Variants in LRP1B observed in about 807,000 individuals in gnomAD.
LRP1B encodes the protein low-density lipoprotein receptor-related protein 1B.
A neutral mutation model predicts 556.6 loss-of-function variants in LRP1B; 217 were observed. That is an observed-to-expected ratio of 0.39 (90% CI 0.35 to 0.44). The LOEUF is 0.44. Among genes scored for constraint, LRP1B ranks in the 20% least tolerant of loss-of-function variants. The probability of loss-of-function intolerance (pLI) is 1.00; values close to 1 mark genes in which losing one functional copy is unlikely to be tolerated. For missense variants in LRP1B, 5,053 were observed against 5,620.8 expected (o/e 0.90, Z 3.23); for synonymous variants, 2,047 against 1,865.8 (o/e 1.10, Z -2.50).
intron 37 of LRP1B, among the ~76,000 whole-genome samples, chr2:140,709,121 G>A (rs1437461374): frequency 6.6e-6 from 1 of 151,930 alleles, no homozygotes; most frequent in East Asian, 1.9e-4. Context: ...GTTAATTTGA[G>A]TCTTTGCCAT....
chr2:142,067,851 G>A (rs1705162956), intron 1 of LRP1B, among the ~76,000 whole-genome samples: 1 of 151,524 alleles, frequency 6.6e-6, no homozygotes, highest in Non-Finnish European at 1.5e-5. Flanking sequence ...CACAGATCAA[G>A]TGAGCCATAT....
chr2:141,193,114 A>G (rs1558923677), intron 6 of LRP1B, among the ~76,000 whole-genome samples: 2 of 152,048 alleles, frequency 1.3e-5, no homozygotes, highest in Non-Finnish European at 2.9e-5. Flanking sequence ...AGAAAAGGGA[A>G]CACTTACACA....
intron 3 of LRP1B, among the ~76,000 whole-genome samples, chr2:141,353,423 C>A (rs529744469): frequency 6.6e-6 from 1 of 152,050 alleles, no homozygotes; most frequent in South Asian, 2.1e-4. Flanking sequence ...CTCTGAAATT[C>A]TGGAAGTATT....
intron 6 of LRP1B, among the ~76,000 whole-genome samples, chr2:141,195,889 C>T (rs16845590): frequency 0.081 from 12,317 of 151,858 alleles, 535 homozygotes; most frequent in East Asian, 0.16. Context: ...TTTAGGGAAG[C>T]CATCCTGAGA....
At chr2:142,021,206 G>T (rs1024465548) in intron 1 of LRP1B, among the ~76,000 whole-genome samples, 1 of 152,054 alleles carries the variant, frequency 6.6e-6, no homozygotes, top group Non-Finnish European at 1.5e-5. Context: ...TATAAATGAA[G>T]GATGCAATAT....
intron 3 of LRP1B, among the ~76,000 whole-genome samples, chr2:141,268,061 G>A (rs1205100951): frequency 6.6e-6 from 1 of 152,094 alleles, no homozygotes; most frequent in Non-Finnish European, 1.5e-5. Context: ...GACATAGGAG[G>A]CAATAACAGC....
chr2:141,108,334 CTTT>C (rs60275697), intron 7 of LRP1B, among the ~76,000 whole-genome samples: 9,491 of 89,004 alleles, frequency 0.11, 499 homozygotes, highest in South Asian at 0.22. Flanking sequence ...TAATCTGTTT[CTTT>C]TTTTTTTTTT....
chr2:141,257,581 C>G (rs1684522495), intron 3 of LRP1B, among the ~76,000 whole-genome samples: 1 of 152,122 alleles, frequency 6.6e-6, no homozygotes, highest in Non-Finnish European at 1.5e-5. Context: ...GACCAGACCT[C>G]AAACATGGTT....
At chr2:140,371,573 T>G (rs535188884) in intron 69 of LRP1B, among the ~76,000 whole-genome samples, 4 of 151,746 alleles carry the variant, frequency 2.6e-5, no homozygotes, top group South Asian at 2.1e-4. Flanking sequence ...AAACAAACCT[T>G]GATATCCTTC....
intron 1 of LRP1B, among the ~76,000 whole-genome samples, chr2:142,006,446 C>T (rs1312123563): frequency 6.6e-6 from 1 of 152,178 alleles, no homozygotes; most frequent in African/African-American, 2.4e-5. Flanking sequence ...AAAATCTTCT[C>T]TTCATGTACA....
At chr2:140,274,326 A>G in intron 85 of LRP1B, 98 bp downstream of exon 85, 1 of 1,103,232 alleles carries the variant, frequency 9.1e-7, no homozygotes, top group East Asian at 2.5e-5. Flanking sequence ...GGAATTTTAG[A>G]ATAAAAACAA....
intron 2 of LRP1B, among the ~76,000 whole-genome samples, chr2:141,585,884 A>AT (rs1395013426): frequency 3.4e-5 from 4 of 117,122 alleles, no homozygotes; most frequent in Admixed American, 1.8e-4. Context: ...CTACAGGTGC[A>AT]CTTTTTTTTT....
intron 5 of LRP1B, among the ~76,000 whole-genome samples, chr2:141,233,097 T>C (rs960026246): frequency 2.0e-5 from 3 of 152,218 alleles, no homozygotes; most frequent in Admixed American, 6.5e-5. Flanking sequence ...TTATTGGTTG[T>C]CATCCTTAGT....
intron 41 of LRP1B, among the ~76,000 whole-genome samples, chr2:140,696,262 T>C (rs1481465759): frequency 6.6e-6 from 1 of 152,152 alleles, no homozygotes; most frequent in Non-Finnish European, 1.5e-5. Flanking sequence ...TTTTGTCTGT[T>C]TTCTTTTTTG....
chr2:141,997,584 G>A (rs967630582), intron 1 of LRP1B, among the ~76,000 whole-genome samples: 1 of 150,120 alleles, frequency 6.7e-6, no homozygotes, highest in African/African-American at 2.4e-5. Context: ...CTGGGCTCAA[G>A]CAATTCTCCC....
intron 3 of LRP1B, among the ~76,000 whole-genome samples, chr2:141,460,819 G>T (rs1422915333): frequency 2.0e-5 from 3 of 152,080 alleles, no homozygotes; most frequent in Non-Finnish European, 2.9e-5. Context: ...TAAAGTCAGG[G>T]ATCTCTGTAA....
At chr2:141,375,041 T>C (rs1288346084) in intron 3 of LRP1B, among the ~76,000 whole-genome samples, 1 of 152,180 alleles carries the variant, frequency 6.6e-6, no homozygotes, top group African/African-American at 2.4e-5. Context: ...AAATTTTTTC[T>C]CCTGAAGATG....
chr2:141,814,395 G>A (rs1696462640), intron 1 of LRP1B, among the ~76,000 whole-genome samples: 1 of 152,058 alleles, frequency 6.6e-6, no homozygotes, highest in African/African-American at 2.4e-5. Flanking sequence ...CTCTCATCAG[G>A]ATCTGGCTTA....
At chr2:141,170,960 T>A (rs548114089) in intron 7 of LRP1B, among the ~76,000 whole-genome samples, 1 of 152,270 alleles carries the variant, frequency 6.6e-6, no homozygotes, top group South Asian at 2.1e-4. Context: ...ACAATTATAG[T>A]CGTGTGCTCC....
Sources: gnomAD v4.1 joint callset for allele counts (sites outside exome capture counted in the v4.1 genomes callset) on GRCh38, gnomAD v4.1.1 for gene constraint, MANE v1.5 for transcripts, NCBI Gene and HGNC (gene_info 2026-07-23, HGNC 2026-07-21) for gene names.